The following PTCHD4 variants were observed in gnomAD, a reference collection of about 807,000 sequenced individuals.
The protein encoded by PTCHD4 is patched domain-containing protein 4.
PTCHD4 carries 33 observed loss-of-function variants against 58.1 expected under a neutral mutation model. That is an observed-to-expected ratio of 0.57 (90% CI 0.43 to 0.76). PTCHD4 has a LOEUF of 0.76. Ranked by LOEUF, PTCHD4 falls within the 30% of genes least tolerant of loss-of-function variation. The pLI is 0.00. For missense variants in PTCHD4, 1,058 were observed against 1,027.1 expected (o/e 1.03, Z -0.41); for synonymous variants, 478 against 409.6 (o/e 1.17, Z -2.02).
chr6:47,874,448 A>G lies in PTCHD4; in HGVS notation c.*3855T>C, dbSNP rs1763794938. ...TTCATAACTATTTGGTCATAAAAAT[A>G]TGTGACTGTAATTATGATATTTACA... On this transcript the variant is annotated 3_prime_UTR_variant, in exon 5 of 5. Coordinates refer to ENST00000339488, the MANE Select transcript of PTCHD4 (RefSeq NM_001384253.1). Among the ~76,000 whole-genome samples, 3 of 151,758 alleles carry G rather than the reference A, an allele frequency of 2.0e-5. No individual in the cohort carries two copies. The highest frequency in any genetic ancestry group is 2.0e-4 in the Admixed American group (3 of 15,180).
chr6:47,942,708 A>G (rs114607956), intron 4 of PTCHD4, among the ~76,000 whole-genome samples: 2,593 of 152,318 alleles, frequency 0.017, 37 homozygotes, highest in South Asian at 0.046. Flanking sequence ...TTGACATTCT[A>G]TGCTTTTCCT....
rs1212552812 is a variant in PTCHD4, at chr6:47,868,574, A to G, written c.*9729T>C. ...CTGCAAAGCAGACATTGTGTGCTTC[A>G]TAGTTTGGCATGTCAGTTGCCATTT... On this transcript the variant is annotated 3_prime_UTR_variant, in exon 5 of 5. Transcript: ENST00000339488. 6.6e-6 allele frequency among the ~76,000 whole-genome samples: 1 copy of G among 151,802 alleles called. No individual in the cohort carries two copies. Among genetic ancestry groups the G allele is most frequent in the Non-Finnish European group, 1.5e-5 (1 of 67,818 alleles).
chr6:47,965,448 C>G (rs1467077534), intron 4 of PTCHD4, among the ~76,000 whole-genome samples: 1 of 152,060 alleles, frequency 6.6e-6, no homozygotes, highest in African/African-American at 2.4e-5. Flanking sequence ...CTCAGAAAAA[C>G]TCAAAATAGT....
At position 47,884,511 on chromosome 6, in the gene PTCHD4, G is replaced by A. The variant is rs367969629; in HGVS notation, c.899-4575C>T. On this transcript the variant is annotated intron_variant, in intron 4 of 4. Transcript: ENST00000339488. Reference sequence around the variant, plus strand: ...ACCAGTGTCCACCCCAAAGACACTGGTGGCCCACCAATTCAGGTGATGCAT... The same window carrying A: ...ACCAGTGTCCACCCCAAAGACACTGATGGCCCACCAATTCAGGTGATGCAT... Among the ~76,000 whole-genome samples the A allele has an allele frequency of 1.3e-4, 20 of 152,256 alleles. No homozygotes were observed. In the South Asian group the frequency reaches 3.3e-3, roughly 25 times the overall value.
At chr6:48,089,241 A>T (rs1765319261) in intron 1 of PTCHD4, among the ~76,000 whole-genome samples, 2 of 152,242 alleles carry the variant, frequency 1.3e-5, no homozygotes, top group Non-Finnish European at 2.9e-5. Context: ...ATTCTAAAGC[A>T]GACATGGTTT....
At position 48,069,190 on chromosome 6, in the gene PTCHD4, T is replaced by TGGGG. The variant is rs1285804611; in HGVS notation, c.-237_-234dup. ...AGGAGGGAGAAGGGCGGGAGCACGT[T>TGGGG]GGGGGTGGGGGGGCAGATAAGCTTT... On this transcript the variant is annotated 5_prime_UTR_variant, in exon 2 of 5. An upstream open reading frame in the 5' UTR gains an earlier in-frame stop. Coordinates refer to ENST00000339488, the MANE Select transcript of PTCHD4 (RefSeq NM_001384253.1). 1.2e-4 allele frequency among the ~76,000 whole-genome samples: 2 copies of TGGGG among 16,112 alleles called. No homozygotes were observed. The highest frequency in any genetic ancestry group is 2.2e-4 in the Non-Finnish European group (2 of 8,906). 10.6% of individuals were successfully genotyped at this position (16,112 alleles called of 152,430 possible).
chr6:47,862,826 G>T lies in PTCHD4; in HGVS notation c.*15477C>A, dbSNP rs142360666. ...ATCTGCTCTTCAGTAACAAAGACAG[G>T]CTTCTCTAACATGACATTATCAATG... On this transcript the variant is annotated 3_prime_UTR_variant, in exon 5 of 5. Transcript: ENST00000339488. Among the ~76,000 whole-genome samples, 1 of 151,804 alleles carries T rather than the reference G, an allele frequency of 6.6e-6. No homozygotes were observed. The highest frequency in any genetic ancestry group is 6.6e-5 in the Admixed American group (1 of 15,220).
At chr6:48,041,705 G>T (rs920503035) in intron 3 of PTCHD4, among the ~76,000 whole-genome samples, 14 of 152,114 alleles carry the variant, frequency 9.2e-5, no homozygotes, top group African/African-American at 3.4e-4. Flanking sequence ...TTCCTGTTGA[G>T]AGGGTCATGC....
Position 47,866,154 on chromosome 6 carries a change from A to G in PTCHD4, c.*12149T>C, listed in dbSNP as rs1763557631. Reference sequence around the variant, plus strand: ...ACAAGTTCTGGCTTATATTCTAGTTATAGATGTCACAGACGCTTTTGTCTT... The same window carrying G: ...ACAAGTTCTGGCTTATATTCTAGTTGTAGATGTCACAGACGCTTTTGTCTT... On this transcript the variant is annotated 3_prime_UTR_variant, in exon 5 of 5. Transcript: ENST00000339488. Among the ~76,000 whole-genome samples, 1 of 151,908 alleles carries G rather than the reference A, an allele frequency of 6.6e-6. No homozygotes were observed. Among genetic ancestry groups the G allele is most frequent in the Admixed American group, 6.6e-5 (1 of 15,216 alleles).
intron 4 of PTCHD4, among the ~76,000 whole-genome samples, chr6:47,965,952 A>G (rs1250576820): frequency 1.3e-5 from 2 of 152,038 alleles, no homozygotes; most frequent in Non-Finnish European, 1.5e-5. Flanking sequence ...AAAAAACAAC[A>G]ACAAAAAAAA....
intron 4 of PTCHD4, among the ~76,000 whole-genome samples, chr6:47,935,187 C>G (rs1765958540): frequency 6.6e-6 from 1 of 152,166 alleles, no homozygotes; most frequent in South Asian, 2.1e-4. Flanking sequence ...ATATTGCACA[C>G]AACCTTATAC....
intron 1 of PTCHD4, among the ~76,000 whole-genome samples, chr6:48,102,993 GGCCT>G (rs1337841991): frequency 1.3e-5 from 2 of 152,212 alleles, no homozygotes; most frequent in African/African-American, 4.8e-5. Flanking sequence ...AGCTCAAAGG[GGCCT>G]GCCTGCCTCT....
intron 4 of PTCHD4, among the ~76,000 whole-genome samples, chr6:47,902,410 T>A (rs1181444031): frequency 2.0e-5 from 3 of 152,202 alleles, no homozygotes; most frequent in African/African-American, 7.2e-5. Context: ...ATTTGGTATC[T>A]GTTGTCCCTA....
chr6:48,006,004 A>G (rs187466263), intron 4 of PTCHD4, among the ~76,000 whole-genome samples: 16 of 152,308 alleles, frequency 1.1e-4, no homozygotes, highest in Middle Eastern at 3.4e-3. Flanking sequence ...TTAAAAATAA[A>G]ACAAAACACA....
intron 3 of PTCHD4, among the ~76,000 whole-genome samples, chr6:48,051,258 T>G (rs1764223490): frequency 6.6e-6 from 1 of 152,018 alleles, no homozygotes. Context: ...GAAGTCAGAA[T>G]GTTTATTAAA....
intron 4 of PTCHD4, among the ~76,000 whole-genome samples, chr6:47,958,976 T>C (rs1766977120): frequency 6.6e-6 from 1 of 152,200 alleles, no homozygotes; most frequent in Non-Finnish European, 1.5e-5. Flanking sequence ...AAACTGTTTC[T>C]AATATAAGTC....
chr6:48,056,286 T>C (rs1348075692), intron 3 of PTCHD4, among the ~76,000 whole-genome samples: 7 of 152,214 alleles, frequency 4.6e-5, no homozygotes, highest in Non-Finnish European at 8.8e-5. Flanking sequence ...AAGTAACACA[T>C]ATACTTATTA....
intron 4 of PTCHD4, among the ~76,000 whole-genome samples, chr6:47,987,882 T>G (rs757531663): frequency 2.0e-5 from 3 of 152,066 alleles, no homozygotes; most frequent in Non-Finnish European, 4.4e-5. Context: ...TTCAGGTGAT[T>G]CTCCAGCCTC....
At chr6:47,944,714 A>C (rs762908123) in intron 4 of PTCHD4, among the ~76,000 whole-genome samples, 10 of 152,090 alleles carry the variant, frequency 6.6e-5, no homozygotes, top group Non-Finnish European at 8.8e-5. Context: ...GTTTGCAATG[A>C]AACTTGGGAG....
Sources: allele counts gnomAD v4.1 joint callset (sites outside exome capture counted in the v4.1 genomes callset), GRCh38; gene constraint gnomAD v4.1.1; transcripts MANE v1.5; gene names NCBI Gene and HGNC (gene_info 2026-07-23, HGNC 2026-07-21).